CHD5: variants seen among roughly 807,000 people sequenced by gnomAD.
CHD5 encodes the protein ATP-dependent chromatin remodeler CHD5.
In CHD5, 69 loss-of-function variants were observed where a neutral mutation model predicts 230.3. That is an observed-to-expected ratio of 0.30 (90% CI 0.25 to 0.37). CHD5 has a LOEUF of 0.37. Among genes scored for constraint, CHD5 ranks in the 10% least tolerant of loss-of-function variants. The probability of loss-of-function intolerance (pLI) is 1.00; values close to 1 mark genes in which losing one functional copy is unlikely to be tolerated. For missense variants in CHD5, 1,827 were observed against 2,622.8 expected, an observed-to-expected ratio of 0.70 and a Z score of 6.63; for synonymous variants, 1,064 against 1,065.9, an observed-to-expected ratio of 1.00 and a Z score of 0.03.
At chr1:6,120,493 C>A (rs1666450893) in intron 33 of CHD5, among the ~76,000 whole-genome samples, 2 of 135,706 alleles carry the variant, frequency 1.5e-5, no homozygotes, top group Admixed American at 7.8e-5. Context: ...ACAGTCTCTA[C>A]TAAAAATTAA....
intron 15 of CHD5, among the ~76,000 whole-genome samples, chr1:6,139,825 C>T (rs75401204): frequency 0.02 from 3,010 of 152,316 alleles, 95 homozygotes; most frequent in African/African-American, 0.069. Flanking sequence ...GCTTGGCACA[C>T]GGCAGGGTCC....
chr1:6,127,632 C>T (rs1666580679), intron 25 of CHD5, among the ~76,000 whole-genome samples: 1 of 152,074 alleles, frequency 6.6e-6, no homozygotes, highest in Non-Finnish European at 1.5e-5. Flanking sequence ...CTCTGTGCAA[C>T]GGGGTGGCAG....
intron 33 of CHD5, among the ~76,000 whole-genome samples, chr1:6,113,572 G>A (rs1048524209): frequency 6.6e-6 from 1 of 152,234 alleles, no homozygotes; most frequent in Admixed American, 6.5e-5. Flanking sequence ...AAGAAGCCTG[G>A]AGAGCTTGGA....
Position 6,106,761 on chromosome 1 carries a change from T to A in CHD5, c.5597A>T (p.Glu1866Val). The stretch of plus-strand genomic sequence containing the variant: ...GTCGGCCTTCATGTCGCTCAGCAGC[T>A]CCTCCAGCTGGTTCAGGACTGTGGT... ...VLHKVLNQLEELLSDMKADVT... is the reference protein window; with the variant it reads ...VLHKVLNQLEVLLSDMKADVT... The change falls in exon 39 of 42, where the codon GAG (glutamate) becomes GTG (valine). Residue 1866 changes from glutamate to valine, a missense_variant. Physicochemically the swap from Glu to Val is moderately radical, Grantham distance 121. This residue lies in a region of CHD5 where 208 missense variants were observed against 302.0 expected (regional missense o/e 0.69). Transcript: ENST00000262450. 2 of 1,609,870 alleles carry A rather than the reference T, an allele frequency of 1.2e-6. No individual in the cohort carries two copies. Among genetic ancestry groups the A allele is most frequent in the East Asian group, 2.2e-5 (1 of 44,756 alleles).
chr1:6,133,169 G>A (rs1391796493), intron 20 of CHD5, among the ~76,000 whole-genome samples: 1 of 152,204 alleles, frequency 6.6e-6, no homozygotes, highest in African/African-American at 2.4e-5. Flanking sequence ...GGAGGGCCCC[G>A]TCTCTGTCGC....
intron 1 of CHD5, among the ~76,000 whole-genome samples, chr1:6,176,607 G>A (rs1044050359): frequency 9.2e-5 from 14 of 152,214 alleles, no homozygotes; most frequent in Admixed American, 9.2e-4. Context: ...CCTTGGAGAA[G>A]GCAGGACAGC....
chr1:6,153,785 C>T (rs140556436), intron 5 of CHD5, among the ~76,000 whole-genome samples: 2,038 of 152,058 alleles, frequency 0.013, 40 homozygotes, highest in African/African-American at 0.046. Context: ...GTGCAGAGAT[C>T]GTGCCACTGC....
intron 31 of CHD5, 63 bp downstream of exon 31, chr1:6,123,885 T>C (rs1666510887): frequency 3.2e-6 from 4 of 1,254,036 alleles, no homozygotes; most frequent in Admixed American, 3.7e-5. Flanking sequence ...AGACTAGGGG[T>C]TTCTGTGACC....
At position 6,142,384 on chromosome 1, in the gene CHD5, C is replaced by A; in HGVS notation, c.2235+30G>T. 1 of 1,595,852 alleles carries A rather than the reference C, an allele frequency of 6.3e-7. No individual in the cohort carries two copies. Among genetic ancestry groups the A allele is most frequent in the African/African-American group, 1.3e-5 (1 of 74,748 alleles). ...CCTGCCCTTGGCCAGGACCAGCCAC[C>A]CCTCCTGGCCGCCTGCCCCGCCTGC... On this transcript the variant is annotated intron_variant, in intron 14 of 41. Transcript: ENST00000262450. The surrounding 1 kb of genome is among the most constrained non-coding windows in gnomAD (Gnocchi z 5.2).
Position 6,128,641 on chromosome 1 carries a change from G to A in CHD5, c.3620-32C>T, listed in dbSNP as rs766506752. 3.9e-6 allele frequency: 6 copies of A among 1,555,894 alleles called. No homozygotes were observed. Among genetic ancestry groups the A allele is most frequent in the Non-Finnish European group, 5.3e-6 (6 of 1,128,882 alleles). Reference sequence around the variant, plus strand: ...GACAGAGAAGGAAAGCACTGGTGCAGGACCACAGAGGGCTGCAGGGTTGGC... The same window carrying A: ...GACAGAGAAGGAAAGCACTGGTGCAAGACCACAGAGGGCTGCAGGGTTGGC... On this transcript the variant is annotated intron_variant, in intron 23 of 41. Coordinates refer to ENST00000262450, the MANE Select transcript of CHD5 (RefSeq NM_015557.3). This position sits in a 1 kb window ranked among gnomAD's most constrained non-coding sequence, Gnocchi z 7.8.
At position 6,125,558 on chromosome 1, in the gene CHD5, G is replaced by A. The variant is rs1187993181; in HGVS notation, c.4226C>T (p.Pro1409Leu). The stretch of plus-strand genomic sequence containing the variant: ...GCCACCAACTCGGGCGAGAAGCGGG[G>A]GCAGGGGCTTGTCCCTGTCACTCTT... ...QLKSDRDKPLPPLLARVGGNI... is the reference protein window; with the variant it reads ...QLKSDRDKPLLPLLARVGGNI... The change falls in exon 28 of 42, where the codon CCC (proline) becomes CTC (leucine). Residue 1409 changes from proline (P) to leucine (L), a missense_variant. This residue lies in a region of CHD5 where 137 missense variants were observed against 272.7 expected (regional missense o/e 0.50). Coordinates refer to ENST00000262450, the MANE Select transcript of CHD5 (RefSeq NM_015557.3). The surrounding 1 kb of genome is among the most constrained non-coding windows in gnomAD (Gnocchi z 6.7). 6.2e-7 allele frequency: 1 copy of A among 1,601,230 alleles called. No individual in the cohort carries two copies. The highest frequency in any genetic ancestry group is 8.5e-7 in the Non-Finnish European group (1 of 1,173,290).
At chr1:6,112,310 C>G (rs949541091) in intron 34 of CHD5, 33 bp from the exon 35 acceptor site, 1 of 1,605,488 alleles carries the variant, frequency 6.2e-7, no homozygotes, top group Non-Finnish European at 8.5e-7. Flanking sequence ...ATTCATCCAT[C>G]CATCCAAAAA....
At chr1:6,161,096 G>C (rs1667170173) in intron 2 of CHD5, among the ~76,000 whole-genome samples, 2 of 152,140 alleles carry the variant, frequency 1.3e-5, no homozygotes, top group South Asian at 4.1e-4. Context: ...AAACAGCAGT[G>C]GCCAGGAGGG....
At chr1:6,118,929 C>A (rs1666419136) in intron 33 of CHD5, among the ~76,000 whole-genome samples, 1 of 151,900 alleles carries the variant, frequency 6.6e-6, no homozygotes, top group Non-Finnish European at 1.5e-5. Flanking sequence ...AACTCCTGAC[C>A]TCAGGTGATC....
chr1:6,170,585 A>G (rs1667321999), intron 1 of CHD5, among the ~76,000 whole-genome samples: 1 of 152,078 alleles, frequency 6.6e-6, no homozygotes, highest in African/African-American at 2.4e-5. Context: ...AAGGGTGGCC[A>G]GGTGCTTGGG....
chr1:6,143,777 AG>A, intron 13 of CHD5, 45 bp downstream of exon 13: 1 of 1,523,976 alleles, frequency 6.6e-7, no homozygotes, highest in Non-Finnish European at 9.0e-7. Context: ...TGAGGTGGGC[AG>A]GCCCTGGCAA....
At position 6,101,988 on chromosome 1, in the gene CHD5, C is replaced by A. The variant is rs1041547803; in HGVS notation, c.*3486G>T. ...GGGCCACCCTGGCTGGGACTCCTGG[C>A]GCGCCTTGCACCCAGCCCAGGGCCC... On this transcript the variant is annotated 3_prime_UTR_variant, in exon 42 of 42. Transcript: ENST00000262450. 2.4e-6 allele frequency: 1 copy of A among 415,532 alleles called. No homozygotes were observed. The highest frequency in any genetic ancestry group is 1.6e-5 in the South Asian group (1 of 60,690). The allele number at this position is 415,532 out of a possible 1,614,324, so 25.7% of individuals were successfully genotyped here.
chr1:6,172,588 AGCT>A (rs59848729), intron 1 of CHD5, among the ~76,000 whole-genome samples: 37,122 of 151,934 alleles, frequency 0.24, 7,699 homozygotes, highest in African/African-American at 0.57. Flanking sequence ...GCAGTGGTGA[AGCT>A]GCCACTGTTT....
At chr1:6,110,263 G>T in intron 37 of CHD5, 131 bp downstream of exon 37, 2 of 1,072,734 alleles carry the variant, frequency 1.9e-6, no homozygotes, top group Non-Finnish European at 2.8e-6. Flanking sequence ...TGGACATACT[G>T]CTGCTTCGTG....
Sources: gnomAD v4.1 joint callset for allele counts (sites outside exome capture counted in the v4.1 genomes callset) on GRCh38, gnomAD v4.1.1 for gene constraint, gnomAD v4.1.1 regional missense constraint, Gnocchi (gnomAD v3.1) non-coding constraint, MANE v1.5 for transcripts, NCBI Gene and HGNC (gene_info 2026-07-23, HGNC 2026-07-21) for gene names.